ARHGAP20: variants seen among roughly 807,000 people sequenced by gnomAD.
ARHGAP20 encodes Rho GTPase activating protein 20.
A neutral mutation model predicts 73.7 loss-of-function variants in ARHGAP20; 34 were observed. The ratio of observed to expected loss-of-function variants is 0.46; its 90% confidence interval spans 0.35 to 0.61. The LOEUF is 0.61. ARHGAP20 is among the 20% of genes least tolerant of loss of function. The probability of loss-of-function intolerance (pLI) is 0.00; values close to 1 mark genes in which losing one functional copy is unlikely to be tolerated. For synonymous variants in ARHGAP20, 523 were observed against 518.2 expected, an observed-to-expected ratio of 1.01 and a Z score of -0.13; for missense variants, 1,314 against 1,420.9, an observed-to-expected ratio of 0.92 and a Z score of 1.21.
rs1591137588 is a variant in ARHGAP20, at chr11:110,649,226, G to C, written c.189-18434C>G. On this transcript the variant is annotated intron_variant, in intron 2 of 14. Transcript: ENST00000683387. ...CTTTTTTTTTTTTTTTTTTTTTTTG[G>C]AGGGGGTCTTGCTATGTTTCCCAGG... is the stretch of plus-strand genomic sequence containing the variant. Among the ~76,000 whole-genome samples the C allele has an allele frequency of 4.6e-5, 4 of 87,204 alleles. No individual in the cohort carries two copies. In the Admixed American group the frequency reaches 4.9e-4, roughly 11 times the overall value. 57.2% of individuals were successfully genotyped at this position (87,204 alleles called of 152,430 possible). A position where few individuals can be genotyped will look rare whatever the true frequency, so the allele number is the denominator to read the frequency against.
At chr11:110,702,243 A>G (rs966621393) in intron 1 of ARHGAP20, among the ~76,000 whole-genome samples, 14 of 152,294 alleles carry the variant, frequency 9.2e-5, no homozygotes, top group Non-Finnish European at 1.5e-4. Flanking sequence ...ACGCAAATCA[A>G]TAAATTTAAT....
intron 2 of ARHGAP20, among the ~76,000 whole-genome samples, chr11:110,633,398 T>A (rs1948899410): frequency 6.6e-6 from 1 of 152,226 alleles, no homozygotes; most frequent in East Asian, 1.9e-4. Flanking sequence ...TCTTATGCTA[T>A]AACCACACTG....
chr11:110,580,649 T>C lies in ARHGAP20; in HGVS notation c.2297A>G (p.Asp766Gly). 2 of 1,614,236 alleles carry C rather than the reference T, an allele frequency of 1.2e-6. No individual in the cohort carries two copies. Among genetic ancestry groups the C allele is most frequent in the Non-Finnish European group, 1.7e-6 (2 of 1,180,034 alleles). ...CFKQSLVTGT[D>G]VSKKNATTQN... ...AGTAGTGGCATTTTTCTTGCTGACA[T>C]CAGTGCCTGTGACTAAACTCTGTTT... Residue 766 changes from aspartate (D) to glycine (G), a missense_variant, in exon 15 of 15, where the codon GAT becomes GGT. By Grantham distance (94) the Asp-to-Gly change is moderately conservative (BLOSUM62 -1). Transcript: ENST00000683387.
At chr11:110,643,282 T>C (rs1949114570) in intron 2 of ARHGAP20, among the ~76,000 whole-genome samples, 1 of 152,110 alleles carries the variant, frequency 6.6e-6, no homozygotes, top group African/African-American at 2.4e-5. Flanking sequence ...CCATTTCTGC[T>C]CTGACTTTAT....
intron 3 of ARHGAP20, among the ~76,000 whole-genome samples, chr11:110,626,296 A>G (rs911384679): frequency 6.6e-6 from 1 of 151,318 alleles, no homozygotes; most frequent in Non-Finnish European, 1.5e-5. Flanking sequence ...GTTGACCTGG[A>G]AAAAAAGTCA....
chr11:110,692,043 C>T (rs1027842928), intron 1 of ARHGAP20, among the ~76,000 whole-genome samples: 38 of 152,088 alleles, frequency 2.5e-4, no homozygotes, highest in African/African-American at 8.4e-4. Context: ...ATCGGATTCC[C>T]AGAAAAGTCG....
intron 2 of ARHGAP20, among the ~76,000 whole-genome samples, chr11:110,648,833 T>G (rs898011819): frequency 1.3e-5 from 2 of 152,106 alleles, no homozygotes; most frequent in African/African-American, 4.8e-5. Flanking sequence ...TGAAATAAAA[T>G]ATTCTCATGT....
chr11:110,710,366 T>A (rs753704393), intron 1 of ARHGAP20, among the ~76,000 whole-genome samples: 1 of 151,910 alleles, frequency 6.6e-6, no homozygotes, highest in African/African-American at 2.4e-5. Context: ...ATTGGACAAG[T>A]ATTACTTGAT....
At chr11:110,710,994 C>T (rs1276305992) in intron 1 of ARHGAP20, among the ~76,000 whole-genome samples, 1 of 128,702 alleles carries the variant, frequency 7.8e-6, no homozygotes, top group Non-Finnish European at 1.6e-5. Flanking sequence ...AAGGGCACCA[C>T]TAAGACAAGG....
chr11:110,680,712 G>A (rs1456564013), intron 2 of ARHGAP20, among the ~76,000 whole-genome samples: 1 of 152,180 alleles, frequency 6.6e-6, no homozygotes, highest in East Asian at 1.9e-4. Flanking sequence ...AGAATGTGGA[G>A]AGACTAAATT....
chr11:110,627,250 G>A (rs776429070), intron 3 of ARHGAP20, among the ~76,000 whole-genome samples: 17 of 152,054 alleles, frequency 1.1e-4, no homozygotes, highest in South Asian at 8.3e-4. Flanking sequence ...CACTACGCCC[G>A]GCTAATTTTT....
At chr11:110,586,520 T>C (rs1252672021) in intron 11 of ARHGAP20, among the ~76,000 whole-genome samples, 195 bp from the exon 12 acceptor site, 1 of 152,176 alleles carries the variant, frequency 6.6e-6, no homozygotes, top group Non-Finnish European at 1.5e-5. Flanking sequence ...GCAAAGATCA[T>C]TGGGATAACT....
intron 8 of ARHGAP20, among the ~76,000 whole-genome samples, chr11:110,607,102 A>G (rs781297456): frequency 7.9e-5 from 12 of 152,332 alleles, no homozygotes; most frequent in Middle Eastern, 3.4e-3. Context: ...TTAACTAGAT[A>G]TATAAATTTT....
At chr11:110,649,203 T>A (rs1949295302) in intron 2 of ARHGAP20, among the ~76,000 whole-genome samples, 1 of 77,504 alleles carries the variant, frequency 1.3e-5, no homozygotes, top group African/African-American at 6.5e-5. Context: ...TATTAAACCT[T>A]TTTTTTTTTT....
At chr11:110,591,873 C>T in intron 10 of ARHGAP20, 104 bp downstream of exon 10, 1 of 1,189,166 alleles carries the variant, frequency 8.4e-7, no homozygotes, top group South Asian at 1.6e-5. Context: ...TAGCCAAAGA[C>T]AGTGGTGTCT....
In ARHGAP20 at chr11:110,712,262, G is replaced by C. The variant is rs1272785864; in HGVS notation, c.-31C>G. The C allele has an allele frequency of 1.5e-6, 2 of 1,309,054 alleles. No homozygotes were observed. Among genetic ancestry groups the C allele is most frequent in the Non-Finnish European group, 2.0e-6 (2 of 1,020,382 alleles). 81.1% of individuals were successfully genotyped at this position (1,309,054 alleles called of 1,614,324 possible). On this transcript the variant is annotated 5_prime_UTR_variant, in exon 1 of 15. Transcript: ENST00000683387. ...AAATCTTCAAACAAATCCCAGCCCAGGAGGAGGCTACACGATCATGTCCGC... is the reference window on the plus strand; with the variant it reads ...AAATCTTCAAACAAATCCCAGCCCACGAGGAGGCTACACGATCATGTCCGC...
At chr11:110,581,294 CA>C (rs1947461972) in intron 14 of ARHGAP20, 69 bp from the exon 15 acceptor site, 5 of 1,421,036 alleles carry the variant, frequency 3.5e-6, no homozygotes, top group Non-Finnish European at 4.7e-6. Context: ...TCCTTAAGAA[CA>C]AATTCTCTTT....
chr11:110,638,079 G>A (rs1949005983), intron 2 of ARHGAP20, among the ~76,000 whole-genome samples: 1 of 151,976 alleles, frequency 6.6e-6, no homozygotes. Flanking sequence ...TACAGGTTGA[G>A]CATCCCTAAT....
intron 4 of ARHGAP20, among the ~76,000 whole-genome samples, chr11:110,621,206 C>A (rs1448891074): frequency 6.6e-6 from 1 of 150,578 alleles, no homozygotes; most frequent in Non-Finnish European, 1.5e-5. Context: ...CTTTCAAGAT[C>A]TTTCTCTTAT....
Sources: gnomAD v4.1 joint callset for allele counts (sites outside exome capture counted in the v4.1 genomes callset) on GRCh38, gnomAD v4.1.1 for gene constraint, MANE v1.5 for transcripts, NCBI Gene and HGNC (gene_info 2026-07-23, HGNC 2026-07-21) for gene names.